Variants in SHOC2 observed in about 807,000 individuals in gnomAD.
SHOC2 encodes the protein leucine-rich repeat protein SHOC-2.
In SHOC2, 4 loss-of-function variants were observed where a neutral mutation model predicts 50.2. That is an observed-to-expected ratio of 0.08 (90% CI 0.04 to 0.18). The LOEUF is 0.18. SHOC2 is among the 10% of genes least tolerant of loss of function. The probability of loss-of-function intolerance (pLI) is 1.00; values close to 1 mark genes in which losing one functional copy is unlikely to be tolerated. For missense variants in SHOC2, 388 were observed against 669.6 expected, an observed-to-expected ratio of 0.58 and a Z score of 4.64; for synonymous variants, 218 against 244.5, an observed-to-expected ratio of 0.89 and a Z score of 1.01.
At chr10:111,006,810 C>T (rs540310301) in intron 5 of SHOC2, among the ~76,000 whole-genome samples, 1 of 152,206 alleles carries the variant, frequency 6.6e-6, no homozygotes, top group South Asian at 2.1e-4. Context: ...AATACCAATA[C>T]CCCTAACACA....
chr10:110,960,512 A>G (rs1285316696), intron 1 of SHOC2, among the ~76,000 whole-genome samples: 2 of 152,162 alleles, frequency 1.3e-5, no homozygotes, highest in East Asian at 1.9e-4. Context: ...TTCCTTAGTC[A>G]CTTAGTAGGT....
chr10:110,932,901 T>G (rs1846922403), intron 1 of SHOC2, among the ~76,000 whole-genome samples: 1 of 152,198 alleles, frequency 6.6e-6, no homozygotes, highest in Non-Finnish European at 1.5e-5. Flanking sequence ...TTATAAAAAT[T>G]TAAATGTAAT....
rs1395419915 is a variant in SHOC2, at chr10:111,009,877, G to A, written c.1540+47G>A. On this transcript the variant is annotated intron_variant, in intron 8 of 8. Coordinates refer to ENST00000369452, the MANE Select transcript of SHOC2 (RefSeq NM_007373.4). ...GACTCTGTACTAATAATTTGCTCTT[G>A]TGCATTCAAGCAATATTTCAGATAA... is the stretch of plus-strand genomic sequence containing the variant. 4.1e-6 allele frequency: 4 copies of A among 964,318 alleles called. No individual in the cohort carries two copies. In the South Asian group the frequency reaches 5.2e-5, roughly 13 times the overall value. 59.7% of individuals were successfully genotyped at this position (964,318 alleles called of 1,614,324 possible).
chr10:110,942,343 A>ATTTTGT (rs1260806196), intron 1 of SHOC2, among the ~76,000 whole-genome samples: 2 of 151,882 alleles, frequency 1.3e-5, no homozygotes, highest in East Asian at 1.9e-4. Context: ...ATATTCTGTT[A>ATTTTGT]TTTTGTTTTT....
At chr10:110,939,693 C>T (rs1020881178) in intron 1 of SHOC2, among the ~76,000 whole-genome samples, 1 of 152,132 alleles carries the variant, frequency 6.6e-6, no homozygotes, top group African/African-American at 2.4e-5. Context: ...TAGTTTCCCC[C>T]TCAGTTCTCT....
At chr10:111,008,687 A>G (rs1848513607) in intron 6 of SHOC2, among the ~76,000 whole-genome samples, 1 of 152,062 alleles carries the variant, frequency 6.6e-6, no homozygotes, top group South Asian at 2.1e-4. Flanking sequence ...GAACATAAAA[A>G]CTTACCCAGA....
At chr10:110,996,282 A>G (rs1161299286) in intron 3 of SHOC2, among the ~76,000 whole-genome samples, 1 of 152,166 alleles carries the variant, frequency 6.6e-6, no homozygotes, top group African/African-American at 2.4e-5. Context: ...TAATCCCAGC[A>G]TTTTGGGAGG....
At chr10:110,979,872 G>A (rs1030900700) in intron 2 of SHOC2, among the ~76,000 whole-genome samples, 7 of 70,700 alleles carry the variant, frequency 9.9e-5, no homozygotes, top group Admixed American at 1.8e-4. Flanking sequence ...CAGTATCTTC[G>A]GATCAGAGAA....
In SHOC2 at chr10:110,962,196, T is replaced by A. The variant is rs531979056; in HGVS notation, c.-234-1929T>A. ...TGATTTTACACCTTATATATTTCAT[T>A]TGATCCTTATATAGGAGGTGTCCTT... is the stretch of plus-strand genomic sequence containing the variant. On this transcript the variant is annotated intron_variant, in intron 1 of 8. Coordinates refer to ENST00000369452, the MANE Select transcript of SHOC2 (RefSeq NM_007373.4). 2.0e-5 allele frequency among the ~76,000 whole-genome samples: 3 copies of A among 152,270 alleles called. No individual in the cohort carries two copies. In the East Asian group the frequency reaches 5.8e-4, roughly 29 times the overall value.
intron 3 of SHOC2, among the ~76,000 whole-genome samples, chr10:110,986,765 C>T (rs971519981): frequency 3.9e-5 from 6 of 152,276 alleles, no homozygotes; most frequent in South Asian, 4.1e-4. Flanking sequence ...CCTTAGCCAC[C>T]GTGCTTGGTC....
intron 1 of SHOC2, among the ~76,000 whole-genome samples, chr10:110,923,180 A>G (rs532580340): frequency 6.3e-4 from 96 of 152,122 alleles, no homozygotes; most frequent in Non-Finnish European, 7.7e-4. Context: ...TTCTCTTAAT[A>G]TATTAAATTT....
At chr10:110,999,279 G>A (rs1848322630) in intron 3 of SHOC2, among the ~76,000 whole-genome samples, 1 of 152,166 alleles carries the variant, frequency 6.6e-6, no homozygotes. Flanking sequence ...TATATTGGAT[G>A]AAATTCTTGT....
At chr10:110,925,012 G>A (rs750013452) in intron 1 of SHOC2, among the ~76,000 whole-genome samples, 2 of 147,322 alleles carry the variant, frequency 1.4e-5, no homozygotes, top group African/African-American at 2.5e-5. Flanking sequence ...TGGAGGTTGC[G>A]GTAAGCCGAG....
intron 1 of SHOC2, among the ~76,000 whole-genome samples, chr10:110,922,486 A>T (rs1412054282): frequency 6.6e-6 from 1 of 152,108 alleles, no homozygotes; most frequent in African/African-American, 2.4e-5. Context: ...AAAAATATTT[A>T]AATACAGAAA....
At position 110,997,531 on chromosome 10, in the gene SHOC2, T is replaced by C. The variant is rs879252798; in HGVS notation, c.842-2884T>C. ...CAAAATGCACAATTTTATCATGCTT[T>C]TTCCCCCCCAACTTAACATCATACC... On this transcript the variant is annotated intron_variant, in intron 3 of 8. Transcript: ENST00000369452. Among the ~76,000 whole-genome samples, 69 of 105,716 alleles carry C rather than the reference T, an allele frequency of 6.5e-4. No individual in the cohort carries two copies. In the South Asian group the frequency reaches 0.01, roughly 16 times the overall value. The allele number at this position is 105,716 out of a possible 152,430, so 69.4% of individuals were successfully genotyped here. A position where few individuals can be genotyped will look rare whatever the true frequency, so the allele number is the denominator to read the frequency against.
chr10:110,963,473 C>G lies in SHOC2; in HGVS notation c.-234-652C>G, dbSNP rs374694286. 3.2e-3 allele frequency among the ~76,000 whole-genome samples: 486 copies of G among 152,290 alleles called. 26 individuals are homozygous for G. In the South Asian group the frequency reaches 0.093, roughly 29 times the overall value. Reference sequence around the variant, plus strand: ...TTAATGCCCCTTTCCCTGAACTGTGCTGTTTTTCATACATATTTCACTTTG... The same window carrying G: ...TTAATGCCCCTTTCCCTGAACTGTGGTGTTTTTCATACATATTTCACTTTG... On this transcript the variant is annotated intron_variant, in intron 1 of 8. Transcript: ENST00000369452.
chr10:110,982,254 A>G (rs1479203118), intron 2 of SHOC2, among the ~76,000 whole-genome samples: 1 of 150,216 alleles, frequency 6.7e-6, no homozygotes, highest in African/African-American at 2.5e-5. Context: ...CCAGTCTATC[A>G]TTGTTGGACA....
At chr10:110,941,046 C>G (rs1847133593) in intron 1 of SHOC2, among the ~76,000 whole-genome samples, 1 of 150,938 alleles carries the variant, frequency 6.6e-6, no homozygotes, top group South Asian at 2.1e-4. Flanking sequence ...GTCCTTCCAC[C>G]TCGGCCTCCC....
At chr10:110,921,687 A>G (rs531069362) in intron 1 of SHOC2, among the ~76,000 whole-genome samples, 5 of 152,312 alleles carry the variant, frequency 3.3e-5, no homozygotes, top group African/African-American at 7.2e-5. Context: ...CAAATATCCA[A>G]TTATACTCTT....
Sources: allele counts gnomAD v4.1 joint callset (sites outside exome capture counted in the v4.1 genomes callset), GRCh38; gene constraint gnomAD v4.1.1; transcripts MANE v1.5; gene names NCBI Gene and HGNC (gene_info 2026-07-23, HGNC 2026-07-21).